The following FEM1C variants were observed in gnomAD, a reference collection of about 807,000 sequenced individuals.
FEM1C encodes the protein protein fem-1 homolog C.
A neutral mutation model predicts 37.6 loss-of-function variants in FEM1C; 15 were observed. The ratio of observed to expected loss-of-function variants is 0.40; its 90% CI spans 0.27 to 0.61. FEM1C has a LOEUF of 0.61. Among genes scored for constraint, FEM1C ranks in the 20% least tolerant of loss-of-function variants. The pLI, the probability that FEM1C is intolerant of heterozygous loss-of-function variation, is 0.42. For missense variants in FEM1C, 532 were observed against 749.7 expected, an observed-to-expected ratio of 0.71 and a Z score of 3.39; for synonymous variants, 287 against 272.8, an observed-to-expected ratio of 1.05 and a Z score of -0.51.
In FEM1C at chr5:115,544,705, A is replaced by T. The variant is rs1754321430; in HGVS notation, c.-373T>A. The T allele has an allele frequency of 6.5e-6, 1 of 153,064 alleles. No individual in the cohort carries two copies. The highest frequency in any genetic ancestry group is 6.5e-5 in the Admixed American group (1 of 15,282). 9.5% of individuals were successfully genotyped at this position (153,064 alleles called of 1,614,324 possible). ...GCCGCGCTGTTCGCCACGCCCCGCC[A>T]CCCGAGCTGCCTCCCGCCCTTAGTC... On this transcript the variant is annotated 5_prime_UTR_variant, in exon 1 of 3. Transcript: ENST00000274457.
chr5:115,543,392 C>T lies in FEM1C; in HGVS notation c.102G>A (p.Leu34=), dbSNP rs1754282541. Residue 34 remains leucine (L), a synonymous_variant, in exon 2 of 3, where the codon TTG becomes TTA. Coordinates refer to ENST00000274457, the MANE Select transcript of FEM1C (RefSeq NM_020177.3). ...ASKSKEEVSS[L]ISEKTNGATP... ...TGGCCCCATTTGTTTTTTCAGAGAT[C>T]AAGGAGGAAACCTCCTCTTTGGATT... 2 of 1,614,186 alleles carry T rather than the reference C, an allele frequency of 1.2e-6. No homozygotes were observed. The highest frequency in any genetic ancestry group is 4.5e-5 in the East Asian group (2 of 44,890).
intron 2 of FEM1C, among the ~76,000 whole-genome samples, chr5:115,525,976 C>T (rs1177259962): frequency 6.6e-6 from 1 of 151,910 alleles, no homozygotes; most frequent in Non-Finnish European, 1.5e-5. Flanking sequence ...ATTTTACTGA[C>T]AAGTCACTTA....
intron 2 of FEM1C, among the ~76,000 whole-genome samples, chr5:115,535,132 A>G (rs1345566233): frequency 3.3e-5 from 5 of 152,074 alleles, no homozygotes; most frequent in Admixed American, 2.6e-4. Flanking sequence ...GTTCCTGCAT[A>G]GTAAATGGCA....
At chr5:115,539,751 A>G (rs767794210) in intron 2 of FEM1C, among the ~76,000 whole-genome samples, 1 of 152,076 alleles carries the variant, frequency 6.6e-6, no homozygotes, top group Non-Finnish European at 1.5e-5. Context: ...AGGACTGGCT[A>G]TCTTGTCTTA....
intron 2 of FEM1C, among the ~76,000 whole-genome samples, chr5:115,526,482 CCACA>C (rs1421177907): frequency 6.6e-6 from 1 of 152,046 alleles, no homozygotes; most frequent in Non-Finnish European, 1.5e-5. Context: ...CCTTTTCTTC[CCACA>C]CACAGATTAA....
intron 2 of FEM1C, among the ~76,000 whole-genome samples, chr5:115,530,436 A>C (rs1273475537): frequency 1.3e-5 from 2 of 152,162 alleles, no homozygotes; most frequent in Non-Finnish European, 2.9e-5. Flanking sequence ...CAAATCTGCA[A>C]ACATTAGTAC....
At chr5:115,525,698 C>T (rs1188441055) in intron 2 of FEM1C, 81 bp from the exon 3 acceptor site, 2 of 1,133,732 alleles carry the variant, frequency 1.8e-6, no homozygotes, top group Admixed American at 2.8e-5. Flanking sequence ...ACTTTAGAAC[C>T]TAAAGAAAAG....
chr5:115,528,698 A>G (rs972866829), intron 2 of FEM1C, among the ~76,000 whole-genome samples: 7 of 152,272 alleles, frequency 4.6e-5, no homozygotes, highest in African/African-American at 1.7e-4. Flanking sequence ...CTTGGTATCC[A>G]ATCAAAAATA....
chr5:115,533,012 A>G (rs1754049321), intron 2 of FEM1C, among the ~76,000 whole-genome samples: 1 of 152,058 alleles, frequency 6.6e-6, no homozygotes. Flanking sequence ...ACTGTACACT[A>G]AAAAGTATGA....
rs1408545978 is a variant in FEM1C at position 115,523,411 on chromosome 5, G to T, written c.*897C>A. ...CCATCAGCACAAGCAGGACAATGCT[G>T]GAGCAGCATGAAAGGTGGGTCACTT... On this transcript the variant is annotated 3_prime_UTR_variant, in exon 3 of 3. Coordinates refer to ENST00000274457, the MANE Select transcript of FEM1C (RefSeq NM_020177.3). The T allele has an allele frequency of 6.6e-6, 1 of 152,464 alleles. No homozygotes were observed. Among genetic ancestry groups the T allele is most frequent in the South Asian group, 2.1e-4 (1 of 4,832 alleles). The allele number at this position is 152,464 out of a possible 1,614,324, so 9.4% of individuals were successfully genotyped here. A position where few individuals can be genotyped will look rare whatever the true frequency, so the allele number is the denominator to read the frequency against.
At chr5:115,541,898 A>C (rs2127175775) in intron 2 of FEM1C, among the ~76,000 whole-genome samples, 1 of 152,270 alleles carries the variant, frequency 6.6e-6, no homozygotes, top group Non-Finnish European at 1.5e-5. Context: ...CACATAAAAA[A>C]CTGTAAATAG....
intron 2 of FEM1C, among the ~76,000 whole-genome samples, chr5:115,534,782 A>C (rs1330447467): frequency 6.6e-6 from 1 of 152,000 alleles, no homozygotes; most frequent in Non-Finnish European, 1.5e-5. Context: ...TTTCATGTAT[A>C]AAATCACCAG....
At chr5:115,529,759 T>G (rs530074187) in intron 2 of FEM1C, among the ~76,000 whole-genome samples, 18 of 152,226 alleles carry the variant, frequency 1.2e-4, no homozygotes, top group Admixed American at 1.1e-3. Context: ...AAGATCTCTT[T>G]CTTGTAAAGA....
chr5:115,540,554 A>C (rs1754219435), intron 2 of FEM1C, among the ~76,000 whole-genome samples: 1 of 152,074 alleles, frequency 6.6e-6, no homozygotes, highest in South Asian at 2.1e-4. Flanking sequence ...ACCCTCACAT[A>C]TAAGGCTAAA....
rs761166342 is a variant in FEM1C at position 115,525,031 on chromosome 5, T to C, written c.1131A>G (p.Pro377=). The C allele has an allele frequency of 9.8e-5, 158 of 1,613,560 alleles. No individual in the cohort carries two copies. The highest frequency in any genetic ancestry group is 1.3e-4 in the Non-Finnish European group (154 of 1,179,802). The change falls in exon 3 of 3, where the codon CCA becomes CCG. Residue 377 remains proline (P), a synonymous_variant. Coordinates refer to ENST00000274457, the MANE Select transcript of FEM1C (RefSeq NM_020177.3). ...AAGATAATAAGCTGCTGGCGGTCAT[T>C]GGGCTTAAAGGATCCAAATTGCTCT... The part of the protein sequence containing the change: ...MQQSNLDPLS[P]MTASSLLSFA...
chr5:115,524,088 T>C lies in FEM1C; in HGVS notation c.*220A>G, dbSNP rs901675067. On this transcript the variant is annotated 3_prime_UTR_variant, in exon 3 of 3. Coordinates refer to ENST00000274457, the MANE Select transcript of FEM1C (RefSeq NM_020177.3). ...CAGACAATTTTAGAAATTTGAATGT[T>C]ACATTTCTCAATAATTCACAAACAA... 6.5e-6 allele frequency: 3 copies of C among 463,818 alleles called. No homozygotes were observed. Among genetic ancestry groups the C allele is most frequent in the African/African-American group, 2.0e-5 (1 of 49,378 alleles). 28.7% of individuals were successfully genotyped at this position (463,818 alleles called of 1,614,324 possible). A position where few individuals can be genotyped will look rare whatever the true frequency, so the allele number is the denominator to read the frequency against.
intron 2 of FEM1C, 40 bp from the exon 3 acceptor site, chr5:115,525,657 G>A (rs886780109): frequency 9.4e-6 from 14 of 1,488,780 alleles, no homozygotes; most frequent in African/African-American, 1.4e-5. Context: ...CATACATTGA[G>A]GGACCAAAAT....
In FEM1C at chr5:115,521,527, T is replaced by C. The variant is rs1753774743; in HGVS notation, c.*2781A>G. On this transcript the variant is annotated 3_prime_UTR_variant, in exon 3 of 3. Transcript: ENST00000274457. ...CTATAATCCATTTGTCTTTATAAAG[T>C]AGACTGGCATCTAAGTAAAATGACC... 1 of 151,852 alleles carries C rather than the reference T, an allele frequency of 6.6e-6. No homozygotes were observed. Among genetic ancestry groups the C allele is most frequent in the African/African-American group, 2.4e-5 (1 of 41,418 alleles). The allele number at this position is 151,852 out of a possible 1,614,324, so 9.4% of individuals were successfully genotyped here.
At chr5:115,543,839 T>TAG in intron 1 of FEM1C, 156 bp from the exon 2 acceptor site, 1 of 846,640 alleles carries the variant, frequency 1.2e-6, no homozygotes, top group Non-Finnish European at 1.4e-6. Flanking sequence ...GAAAAGGTGG[T>TAG]AAAGAAAAAT....
Sources: gnomAD v4.1 joint callset for allele counts (sites outside exome capture counted in the v4.1 genomes callset) on GRCh38, gnomAD v4.1.1 for gene constraint, MANE v1.5 for transcripts, NCBI Gene and HGNC (gene_info 2026-07-23, HGNC 2026-07-21) for gene names.